Variants in PROS1 observed in about 807,000 individuals in gnomAD.
The protein encoded by PROS1 is vitamin K-dependent protein S.
PROS1 carries 29 observed loss-of-function variants against 75.9 expected under a neutral mutation model. The ratio of observed to expected loss-of-function variants is 0.38; its 90% CI spans 0.28 to 0.52. PROS1 has a LOEUF of 0.52. Ranked by LOEUF, PROS1 falls within the 20% of genes least tolerant of loss-of-function variation. The pLI, the probability that PROS1 is intolerant of heterozygous loss-of-function variation, is 0.83. For missense variants in PROS1, 680 were observed against 810.3 expected (o/e 0.84, Z 1.95); for synonymous variants, 245 against 280.6 (o/e 0.87, Z 1.27).
chr3:93,887,964 A>C (rs1326257812), intron 10 of PROS1, among the ~76,000 whole-genome samples: 1 of 152,240 alleles, frequency 6.6e-6, no homozygotes, highest in Non-Finnish European at 1.5e-5. Context: ...GTCATGCAGA[A>C]TTAATAATAA....
chr3:93,953,418 G>T (rs1235680091), intron 1 of PROS1, among the ~76,000 whole-genome samples: 1 of 152,304 alleles, frequency 6.6e-6, no homozygotes, highest in African/African-American at 2.4e-5. Context: ...AGCAAGGCTG[G>T]TTCAACATAC....
chr3:93,883,225 A>T (rs1473507548), intron 12 of PROS1, among the ~76,000 whole-genome samples: 1 of 152,184 alleles, frequency 6.6e-6, no homozygotes, highest in Non-Finnish European at 1.5e-5. Flanking sequence ...GGTGGGCAAG[A>T]CACTTGAGAG....
At chr3:93,935,408 G>T (rs1576202890) in intron 1 of PROS1, among the ~76,000 whole-genome samples, 1 of 152,080 alleles carries the variant, frequency 6.6e-6, no homozygotes, top group Admixed American at 6.5e-5. Flanking sequence ...CACAGAAAAT[G>T]TTTTGTTTTT....
At chr3:93,891,991 G>A (rs186591007) in intron 10 of PROS1, among the ~76,000 whole-genome samples, 1 of 151,984 alleles carries the variant, frequency 6.6e-6, no homozygotes, top group Non-Finnish European at 1.5e-5. Context: ...AAAAAATATT[G>A]TTGGCAATTG....
At chr3:93,899,562 T>C (rs1416237890) in intron 7 of PROS1, among the ~76,000 whole-genome samples, 1 of 152,164 alleles carries the variant, frequency 6.6e-6, no homozygotes, top group Non-Finnish European at 1.5e-5. Flanking sequence ...CATCTAGAGT[T>C]TTCCACGGTA....
At chr3:93,897,757 T>C (rs1353099713) in intron 8 of PROS1, among the ~76,000 whole-genome samples, 1 of 151,988 alleles carries the variant, frequency 6.6e-6, no homozygotes, top group African/African-American at 2.4e-5. Context: ...TACCTTCACT[T>C]GTCAAAAAAA....
intron 1 of PROS1, among the ~76,000 whole-genome samples, chr3:93,936,510 C>T (rs1709186301): frequency 6.6e-6 from 1 of 152,152 alleles, no homozygotes. Context: ...CTCTATAGCT[C>T]TGTTGTGCTT....
intron 1 of PROS1, among the ~76,000 whole-genome samples, chr3:93,962,809 G>C (rs569336932): frequency 3.3e-5 from 5 of 152,226 alleles, no homozygotes; most frequent in South Asian, 2.1e-4. Context: ...GCAGAAGTGA[G>C]AGAAGTTGTT....
intron 14 of PROS1, among the ~76,000 whole-genome samples, chr3:93,876,366 A>G (rs1708186950): frequency 6.6e-6 from 1 of 152,142 alleles, no homozygotes; most frequent in Non-Finnish European, 1.5e-5. Flanking sequence ...AGGCGAGCGG[A>G]TCGCAAGGTC....
Position 93,893,269 on chromosome 3 carries a change from C to G in PROS1, c.966-147G>C, listed in dbSNP as rs1419307057. On this transcript the variant is annotated intron_variant, in intron 9 of 14. Coordinates refer to ENST00000394236, the MANE Select transcript of PROS1 (RefSeq NM_000313.4). The stretch of plus-strand genomic sequence containing the variant: ...TTCTGGAATTAATAAAAGAGAAGGG[C>G]AGAATTAGACTGCTCATGTATTATC... The G allele has an allele frequency of 1.1e-5, 8 of 719,468 alleles. No homozygotes were observed. In the East Asian group the frequency reaches 2.2e-4, roughly 19 times the overall value. 44.6% of individuals were successfully genotyped at this position (719,468 alleles called of 1,614,324 possible). A position where few individuals can be genotyped will look rare whatever the true frequency, so the allele number is the denominator to read the frequency against.
intron 1 of PROS1, among the ~76,000 whole-genome samples, chr3:93,946,725 C>T (rs957749861): frequency 6.6e-6 from 1 of 151,760 alleles, no homozygotes; most frequent in African/African-American, 2.4e-5. Context: ...CTAAGGAATA[C>T]CATTCAGGCC....
rs750150706 is a variant in PROS1, at chr3:93,896,558, T to C, written c.965+18A>G. 12 of 1,544,198 alleles carry C rather than the reference T, an allele frequency of 7.8e-6. No homozygotes were observed. The highest frequency in any genetic ancestry group is 2.7e-5 in the African/African-American group (2 of 73,216). On this transcript the variant is annotated intron_variant, in intron 9 of 14. Coordinates refer to ENST00000394236, the MANE Select transcript of PROS1 (RefSeq NM_000313.4). ...TCTGCTTAACCTCTAGAAATTATCATTGGTATTGGTTCCTCACCTGCTGAT... is the reference window on the plus strand; with the variant it reads ...TCTGCTTAACCTCTAGAAATTATCACTGGTATTGGTTCCTCACCTGCTGAT...
chr3:93,889,921 G>A (rs1455657556), intron 10 of PROS1, among the ~76,000 whole-genome samples: 1 of 152,106 alleles, frequency 6.6e-6, no homozygotes, highest in African/African-American at 2.4e-5. Context: ...ACAACCATAA[G>A]GTCTGACTGC....
chr3:93,937,148 G>T (rs1291720071), intron 1 of PROS1, among the ~76,000 whole-genome samples: 1 of 152,032 alleles, frequency 6.6e-6, no homozygotes, highest in Non-Finnish European at 1.5e-5. Flanking sequence ...CTTAAAATCC[G>T]AGCTCCCTGA....
chr3:93,965,058 AAGAAATAG>A (rs1292526653), intron 1 of PROS1, among the ~76,000 whole-genome samples: 2 of 152,168 alleles, frequency 1.3e-5, no homozygotes, highest in African/African-American at 4.8e-5. Flanking sequence ...ACAGGAGGTA[AAGAAATAG>A]TCAATCAACT....
At chr3:93,908,153 T>A (rs1252499090) in intron 4 of PROS1, among the ~76,000 whole-genome samples, 1 of 152,080 alleles carries the variant, frequency 6.6e-6, no homozygotes, top group Non-Finnish European at 1.5e-5. Context: ...GAAAAAGAAA[T>A]TAAAATTTTC....
At chr3:93,913,036 A>G (rs1708783504) in intron 3 of PROS1, among the ~76,000 whole-genome samples, 1 of 152,202 alleles carries the variant, frequency 6.6e-6, no homozygotes, top group Non-Finnish European at 1.5e-5. Flanking sequence ...CTCATCTTGA[A>G]TTCTAATCCT....
At chr3:93,911,865 G>A (rs1708763906) in intron 3 of PROS1, among the ~76,000 whole-genome samples, 1 of 152,120 alleles carries the variant, frequency 6.6e-6, no homozygotes, top group South Asian at 2.1e-4. Context: ...GGTAGGGTGT[G>A]GGTGGGGGAT....
At chr3:93,905,948 G>T in intron 5 of PROS1, 33 bp from the exon 6 acceptor site, 1 of 1,612,426 alleles carries the variant, frequency 6.2e-7, no homozygotes, top group East Asian at 2.2e-5. Context: ...TATTTTTAAA[G>T]TAATATAACC....
Sources: gnomAD v4.1 joint callset for allele counts (sites outside exome capture counted in the v4.1 genomes callset) on GRCh38, gnomAD v4.1.1 for gene constraint, MANE v1.5 for transcripts, NCBI Gene and HGNC (gene_info 2026-07-23, HGNC 2026-07-21) for gene names.